Variants in SGCZ observed in about 807,000 individuals in gnomAD.
SGCZ encodes the protein sarcoglycan zeta, also known as zeta-sarcoglycan.
SGCZ carries 40 observed loss-of-function variants against 41.3 expected under a neutral mutation model. That is an observed-to-expected ratio of 0.97 (90% CI 0.75 to 1.26). SGCZ has a LOEUF of 1.26. Among genes scored for constraint, SGCZ ranks in the 50% most tolerant of loss-of-function variants. SGCZ has a pLI of 0.00. For missense variants in SGCZ, 552 were observed against 369.8 expected, an observed-to-expected ratio of 1.49 and a Z score of -4.04; for synonymous variants, 206 against 137.5, an observed-to-expected ratio of 1.50 and a Z score of -3.49.
At chr8:14,841,331 AG>A (rs1802903507) in intron 1 of SGCZ, among the ~76,000 whole-genome samples, 3 of 152,166 alleles carry the variant, frequency 2.0e-5, no homozygotes, top group South Asian at 2.1e-4. Flanking sequence ...AGAGATAAAT[AG>A]GCAGTTTCAA....
At chr8:14,851,911 T>C (rs1234318199) in intron 1 of SGCZ, among the ~76,000 whole-genome samples, 3 of 152,190 alleles carry the variant, frequency 2.0e-5, no homozygotes, top group Middle Eastern at 3.4e-3. Context: ...AGAAGAGTGA[T>C]GATAGCTGAG....
At chr8:14,386,094 C>T (rs1472279980) in intron 2 of SGCZ, among the ~76,000 whole-genome samples, 1 of 151,558 alleles carries the variant, frequency 6.6e-6, no homozygotes, top group African/African-American at 2.4e-5. Flanking sequence ...TATATTCAGT[C>T]TTCGGTTGGT....
chr8:14,548,031 C>G (rs921105689), intron 2 of SGCZ, among the ~76,000 whole-genome samples: 2 of 152,088 alleles, frequency 1.3e-5, no homozygotes, highest in African/African-American at 2.4e-5. Flanking sequence ...ATGGATAAGT[C>G]TGATAGTATA....
intron 1 of SGCZ, among the ~76,000 whole-genome samples, chr8:14,705,821 T>C (rs1459747919): frequency 6.6e-6 from 1 of 152,066 alleles, no homozygotes; most frequent in East Asian, 1.9e-4. Flanking sequence ...TTTTATTCAG[T>C]ACATAGAACT....
At chr8:14,253,033 T>C (rs1002296553) in intron 3 of SGCZ, among the ~76,000 whole-genome samples, 2 of 152,140 alleles carry the variant, frequency 1.3e-5, no homozygotes, top group African/African-American at 4.8e-5. Flanking sequence ...AGGCATCTTT[T>C]TGCATAACCA....
chr8:14,973,343 A>C (rs1353410150), intron 1 of SGCZ, among the ~76,000 whole-genome samples: 1 of 152,124 alleles, frequency 6.6e-6, no homozygotes, highest in Non-Finnish European at 1.5e-5. Context: ...TGACTAGAGA[A>C]AGTTTACTTT....
intron 2 of SGCZ, among the ~76,000 whole-genome samples, chr8:14,437,640 T>C (rs535762011): frequency 8.5e-5 from 13 of 152,074 alleles, no homozygotes; most frequent in Admixed American, 2.0e-4. Flanking sequence ...GCAAAAGTTC[T>C]TCAGAATCCT....
intron 5 of SGCZ, among the ~76,000 whole-genome samples, chr8:14,115,967 A>G (rs560345725): frequency 6.6e-6 from 1 of 152,068 alleles, no homozygotes; most frequent in Non-Finnish European, 1.5e-5. Context: ...GGTCATACCG[A>G]CCATTACCAA....
intron 2 of SGCZ, among the ~76,000 whole-genome samples, chr8:14,491,144 T>C (rs952000911): frequency 6.6e-6 from 1 of 151,670 alleles, no homozygotes; most frequent in Non-Finnish European, 1.5e-5. Context: ...CTTTTGACTA[T>C]GTTTGGTACA....
intron 1 of SGCZ, among the ~76,000 whole-genome samples, chr8:14,953,855 C>T (rs550403526): frequency 7.2e-5 from 11 of 152,286 alleles, no homozygotes; most frequent in African/African-American, 2.6e-4. Context: ...TTCTATAATT[C>T]TTGTAAACAC....
At position 15,194,162 on chromosome 8, in the gene SGCZ, T is replaced by C. The variant is rs547413704; in HGVS notation, c.39+43423A>G. On this transcript the variant is annotated intron_variant, in intron 1 of 7. Transcript: ENST00000382080. ...TATCCAATGGGCTACTCACCTGAAA[T>C]AGTCCTCGTGTCCCACCTCTAATCA... Among the ~76,000 whole-genome samples the C allele has an allele frequency of 2.7e-3, 409 of 150,040 alleles. 2 individuals are homozygous for C. The highest frequency in any genetic ancestry group is 9.1e-3 in the African/African-American group (371 of 40,620).
intron 1 of SGCZ, among the ~76,000 whole-genome samples, chr8:14,909,006 T>A (rs1269325875): frequency 6.6e-6 from 1 of 152,172 alleles, no homozygotes; most frequent in African/African-American, 2.4e-5. Context: ...CCTGGGACAA[T>A]GCTTGACATA....
chr8:14,439,930 C>T (rs1471890350), intron 2 of SGCZ, among the ~76,000 whole-genome samples: 1 of 151,892 alleles, frequency 6.6e-6, no homozygotes, highest in Non-Finnish European at 1.5e-5. Flanking sequence ...CTGACTTAAA[C>T]TGCTTTCCCT....
intron 1 of SGCZ, among the ~76,000 whole-genome samples, chr8:14,957,510 C>A: frequency 6.6e-6 from 1 of 151,946 alleles, no homozygotes; most frequent in Admixed American, 6.6e-5. Context: ...ATTTAATATA[C>A]ATGTTTAGTA....
intron 3 of SGCZ, among the ~76,000 whole-genome samples, chr8:14,262,891 A>C (rs1799723349): frequency 6.6e-6 from 1 of 151,816 alleles, no homozygotes; most frequent in African/African-American, 2.4e-5. Flanking sequence ...AATCTTATAT[A>C]TTTAAGCACT....
intron 1 of SGCZ, among the ~76,000 whole-genome samples, chr8:15,200,399 G>A (rs561914861): frequency 6.6e-6 from 1 of 152,230 alleles, no homozygotes; most frequent in East Asian, 1.9e-4. Flanking sequence ...CTCCTGTAAG[G>A]TATCAGAAGA....
intron 1 of SGCZ, among the ~76,000 whole-genome samples, chr8:14,987,010 C>A (rs1161845867): frequency 6.6e-6 from 1 of 151,034 alleles, no homozygotes; most frequent in Non-Finnish European, 1.5e-5. Flanking sequence ...TATAATTTCC[C>A]TGAAATGAAT....
intron 1 of SGCZ, among the ~76,000 whole-genome samples, chr8:15,211,096 T>G (rs62502010): frequency 6.6e-6 from 1 of 150,650 alleles, no homozygotes; most frequent in Non-Finnish European, 1.5e-5. Flanking sequence ...GATATAGATA[T>G]ATATAGCTAT....
intron 1 of SGCZ, among the ~76,000 whole-genome samples, chr8:15,135,513 A>G (rs1310874537): frequency 6.6e-6 from 1 of 152,206 alleles, no homozygotes; most frequent in East Asian, 1.9e-4. Context: ...AAATCTCTAC[A>G]TGCTGTTTTC....
Sources: allele counts gnomAD v4.1 joint callset (sites outside exome capture counted in the v4.1 genomes callset), GRCh38; gene constraint gnomAD v4.1.1; transcripts MANE v1.5; gene names NCBI Gene and HGNC (gene_info 2026-07-23, HGNC 2026-07-21).